VPS13D: variants seen among roughly 807,000 people sequenced by gnomAD.
VPS13D encodes the protein vacuolar protein sorting 13 homolog D, also known as intermembrane lipid transfer protein VPS13D.
Under a neutral mutation model 461.9 loss-of-function variants are expected in VPS13D, and 187 were observed. The observed-to-expected ratio is 0.40, with a 90% CI of 0.36 to 0.46. The LOEUF (loss-of-function observed/expected upper bound fraction) is 0.46. Among genes scored for constraint, VPS13D ranks in the 20% least tolerant of loss-of-function variants. The pLI, the probability that VPS13D is intolerant of heterozygous loss-of-function variation, is 0.60. For missense variants in VPS13D, 4,711 were observed against 5,364.9 expected, an observed-to-expected ratio of 0.88 and a Z score of 3.81; for synonymous variants, 1,951 against 1,986.3, an observed-to-expected ratio of 0.98 and a Z score of 0.47.
chr1:12,450,915 A>G (rs1645255243), intron 65 of VPS13D, among the ~76,000 whole-genome samples: 1 of 152,226 alleles, frequency 6.6e-6, no homozygotes, highest in Non-Finnish European at 1.5e-5. Context: ...GTGACAAGGA[A>G]GATACTGCCA....
At chr1:12,485,811 T>G (rs923495567) in intron 67 of VPS13D, among the ~76,000 whole-genome samples, 2 of 152,242 alleles carry the variant, frequency 1.3e-5, no homozygotes, top group East Asian at 1.9e-4. Context: ...GGCACTTAAT[T>G]AAAAGGCAGC....
intron 55 of VPS13D, among the ~76,000 whole-genome samples, chr1:12,375,370 T>C (rs1644184243): frequency 6.6e-6 from 1 of 152,194 alleles, no homozygotes; most frequent in Non-Finnish European, 1.5e-5. Context: ...TACATATGTG[T>C]GTTTTATGTA....
At chr1:12,377,063 CTTT>C (rs1257411547) in intron 55 of VPS13D, among the ~76,000 whole-genome samples, 1 of 143,830 alleles carries the variant, frequency 7.0e-6, no homozygotes. Context: ...TTTTTTCTTT[CTTT>C]TTTTTTTTTT....
In VPS13D at chr1:12,311,870, G is replaced by A. The variant is rs1642760681; in HGVS notation, c.6880G>A (p.Val2294Ile). 2 of 1,614,064 alleles carry A rather than the reference G, an allele frequency of 1.2e-6. No individual in the cohort carries two copies. The highest frequency in any genetic ancestry group is 1.3e-5 in the African/African-American group (1 of 74,932). ...GTGCTTCCTCATTGATATGGTGAAT[G>A]TAAGTCTGGAGCTTAAAGATCCAAA... ...CMCFLIDMVN[V>I]SLELKDPKRK... is the part of the protein sequence containing the mutation. Residue 2294 changes from valine (V) to isoleucine (I), a missense_variant, in exon 29 of 70, where the codon GTA (valine) becomes ATA (isoleucine). Physicochemically the swap from Val to Ile is conservative, Grantham distance 29. Transcript: ENST00000620676.
intron 29 of VPS13D, 50 bp from the exon 30 acceptor site, chr1:12,314,065 A>C (rs1642828285): frequency 6.5e-7 from 1 of 1,543,114 alleles, no homozygotes. Flanking sequence ...CTTTTGTAAA[A>C]TGGAAGAGTT....
At chr1:12,323,996 C>T (rs1643113534) in intron 35 of VPS13D, among the ~76,000 whole-genome samples, 2 of 152,138 alleles carry the variant, frequency 1.3e-5, no homozygotes, top group Admixed American at 1.3e-4. Context: ...GCAACCTCCA[C>T]CTCCCCAGTT....
chr1:12,395,523 A>T lies in VPS13D; in HGVS notation c.11635-4658A>T, dbSNP rs535573115. The stretch of plus-strand genomic sequence containing the variant: ...AATTTCAGCTCTTTCTCTGCAGGAG[A>T]TAAGACTCTCACTTAGGGCAATCTT... On this transcript the variant is annotated intron_variant, in intron 60 of 69. Transcript: ENST00000620676. Among the ~76,000 whole-genome samples, 203 of 152,250 alleles carry T rather than the reference A, an allele frequency of 1.3e-3. 1 individual carries two copies. The highest frequency in any genetic ancestry group is 4.5e-3 in the African/African-American group (188 of 41,554).
intron 65 of VPS13D, among the ~76,000 whole-genome samples, chr1:12,445,841 A>G (rs545970366): frequency 9.2e-5 from 14 of 152,170 alleles, no homozygotes; most frequent in Non-Finnish European, 1.9e-4. Context: ...TTCCCATTCT[A>G]CCTCCTCTGC....
At chr1:12,471,030 G>A (rs577434732) in intron 67 of VPS13D, among the ~76,000 whole-genome samples, 7 of 152,288 alleles carry the variant, frequency 4.6e-5, no homozygotes, top group African/African-American at 1.7e-4. Flanking sequence ...GGCCAGGCAT[G>A]GTGGCTCAAG....
At position 12,368,737 on chromosome 1, in the gene VPS13D, T is replaced by C. The variant is rs559156255; in HGVS notation, c.10572+146T>C. 4 of 1,028,158 alleles carry C rather than the reference T, an allele frequency of 3.9e-6. No individual in the cohort carries two copies. The South Asian group carries it at 1.1e-4, about 28-fold the overall frequency. 63.7% of individuals were successfully genotyped at this position (1,028,158 alleles called of 1,614,324 possible). A position where few individuals can be genotyped will look rare whatever the true frequency, so the allele number is the denominator to read the frequency against. Reference sequence around the variant, plus strand: ...TAGGTTCTTTATATCTGGACAAGCCTAGAAATCCTTACCATTAAGAGGTGT... The same window carrying C: ...TAGGTTCTTTATATCTGGACAAGCCCAGAAATCCTTACCATTAAGAGGTGT... On this transcript the variant is annotated intron_variant, in intron 53 of 69. Coordinates refer to ENST00000620676, the MANE Select transcript of VPS13D (RefSeq NM_015378.4).
At chr1:12,230,608 G>C (rs1465387844) in intron 1 of VPS13D, among the ~76,000 whole-genome samples, 1 of 152,078 alleles carries the variant, frequency 6.6e-6, no homozygotes, top group African/African-American at 2.4e-5. Flanking sequence ...CAGTTCTCTA[G>C]AATGCCTTAG....
At chr1:12,351,648 A>G (rs113003866) in intron 46 of VPS13D, among the ~76,000 whole-genome samples, 29,655 of 149,770 alleles carry the variant, frequency 0.2, 5,049 homozygotes, top group African/African-American at 0.46. Context: ...CTGCAGTGCA[A>G]TGGTGTGATC....
At chr1:12,256,230 A>T in intron 7 of VPS13D, 103 bp from the exon 8 acceptor site, 2 of 1,347,106 alleles carry the variant, frequency 1.5e-6, no homozygotes, top group Non-Finnish European at 2.0e-6. Context: ...GACACAGCCT[A>T]TGGCTGAGCT....
intron 54 of VPS13D, among the ~76,000 whole-genome samples, chr1:12,371,686 C>G (rs980344430): frequency 6.6e-6 from 1 of 152,152 alleles, no homozygotes; most frequent in East Asian, 1.9e-4. Context: ...AGCCACTGCT[C>G]CTGGCCCATT....
intron 65 of VPS13D, among the ~76,000 whole-genome samples, chr1:12,455,071 G>A (rs1645308250): frequency 6.6e-6 from 1 of 152,200 alleles, no homozygotes; most frequent in Non-Finnish European, 1.5e-5. Flanking sequence ...AAGTATGCCA[G>A]GATAAATAAA....
chr1:12,317,971 A>G, intron 30 of VPS13D, 101 bp from the exon 31 acceptor site: 2 of 1,232,202 alleles, frequency 1.6e-6, no homozygotes, highest in South Asian at 3.0e-5. Flanking sequence ...TTTGGAAAAT[A>G]CCGGAATACC....
At chr1:12,243,759 T>G (rs938778628) in intron 3 of VPS13D, among the ~76,000 whole-genome samples, 6 of 152,200 alleles carry the variant, frequency 3.9e-5, no homozygotes, top group Non-Finnish European at 8.8e-5. Context: ...TCAGAATTCT[T>G]TATTGAGAGA....
chr1:12,258,352 G>A (rs1640986242), intron 10 of VPS13D, among the ~76,000 whole-genome samples: 2 of 152,150 alleles, frequency 1.3e-5, no homozygotes, highest in African/African-American at 4.8e-5. Context: ...ATGCCTTTGC[G>A]CCCACACCCC....
At chr1:12,357,659 T>G (rs1346546596) in intron 49 of VPS13D, among the ~76,000 whole-genome samples, 1 of 152,216 alleles carries the variant, frequency 6.6e-6, no homozygotes, top group South Asian at 2.1e-4. Flanking sequence ...TCAGGAATTA[T>G]GTTGTCGAAA....
Sources: gnomAD v4.1 joint callset for allele counts (sites outside exome capture counted in the v4.1 genomes callset) on GRCh38, gnomAD v4.1.1 for gene constraint, MANE v1.5 for transcripts, NCBI Gene and HGNC (gene_info 2026-07-23, HGNC 2026-07-21) for gene names.